The following ACO1 variants were observed in gnomAD, a reference collection of about 807,000 sequenced individuals.
ACO1 encodes the protein aconitase 1, also known as cytoplasmic aconitate hydratase.
In ACO1, 78 loss-of-function variants were observed where a neutral mutation model predicts 105.1. That is an observed-to-expected ratio of 0.74 (90% CI 0.62 to 0.90). The LOEUF (loss-of-function observed/expected upper bound fraction) is 0.90. ACO1 is among the 40% of genes least tolerant of loss of function. The probability of loss-of-function intolerance (pLI) is 0.00; values close to 1 mark genes in which losing one functional copy is unlikely to be tolerated. For synonymous variants in ACO1, 364 were observed against 397.4 expected, an observed-to-expected ratio of 0.92 and a Z score of 1.00; for missense variants, 965 against 1,111.1, an observed-to-expected ratio of 0.87 and a Z score of 1.87.
chr9:32,420,433 T>C (rs1228016726), intron 7 of ACO1, among the ~76,000 whole-genome samples: 1 of 152,258 alleles, frequency 6.6e-6, no homozygotes, highest in Non-Finnish European at 1.5e-5. Flanking sequence ...GGGCACACTT[T>C]GTCTTTCTTT....
intron 4 of ACO1, among the ~76,000 whole-genome samples, chr9:32,412,576 A>G (rs1821762628): frequency 6.6e-6 from 1 of 152,166 alleles, no homozygotes. Context: ...ATAAAGAGAA[A>G]TCTACTTTGT....
rs796804113 is a variant in ACO1, at chr9:32,454,321, T to C, written c.*4210T>C. ...CTCTTGAGAAACATTGAGCTATGGTTGGTCTGTTGTTTGAAATTCAAATAA... is the reference window on the plus strand; with the variant it reads ...CTCTTGAGAAACATTGAGCTATGGTCGGTCTGTTGTTTGAAATTCAAATAA... On this transcript the variant is annotated 3_prime_UTR_variant, in exon 21 of 21. Coordinates refer to ENST00000309951, the MANE Select transcript of ACO1 (RefSeq NM_002197.3). The C allele has an allele frequency of 1.4e-4, 21 of 152,328 alleles. No individual in the cohort carries two copies. Among genetic ancestry groups the C allele is most frequent in the African/African-American group, 5.1e-4 (21 of 41,556 alleles). The allele number at this position is 152,328 out of a possible 1,614,324, so 9.4% of individuals were successfully genotyped here. A position where few individuals can be genotyped will look rare whatever the true frequency, so the allele number is the denominator to read the frequency against.
At chr9:32,435,678 A>G (rs10758139) in intron 17 of ACO1, among the ~76,000 whole-genome samples, 49,388 of 152,102 alleles carry the variant, frequency 0.32, 8,271 homozygotes, top group East Asian at 0.51. Flanking sequence ...GGGACCAGAA[A>G]TAGCTGTTCT....
At chr9:32,436,462 T>C in intron 18 of ACO1, 65 bp downstream of exon 18, 1 of 1,583,960 alleles carries the variant, frequency 6.3e-7, no homozygotes, top group Non-Finnish European at 8.6e-7. Context: ...GGTTGGATAT[T>C]TACAGTTACT....
At chr9:32,426,471 A>G (rs1039830968) in intron 11 of ACO1, among the ~76,000 whole-genome samples, 2 of 152,176 alleles carry the variant, frequency 1.3e-5, no homozygotes, top group African/African-American at 4.8e-5. Flanking sequence ...TAATATTTAC[A>G]TATGTGGTTT....
chr9:32,399,966 G>GTTTTTTTTTTTTTTTTTTTTTTTTC (rs57615512), intron 1 of ACO1, among the ~76,000 whole-genome samples: 1 of 69,842 alleles, frequency 1.4e-5, no homozygotes, highest in Non-Finnish European at 2.5e-5. Flanking sequence ...TTCTTTTTCT[G>GTTTTTTTTTTTTTTTTTTTTTTTTC]TTTTTTTTTT....
In ACO1 at chr9:32,407,426, T is replaced by C; in HGVS notation, c.263T>C (p.Phe88Ser). ...CCTGCTCGTGTCATCCTGCAGGACTTTACGTGAGCCTAATGTCACTTCACT... is the reference window on the plus strand; with the variant it reads ...CCTGCTCGTGTCATCCTGCAGGACTCTACGTGAGCCTAATGTCACTTCACT... ...FKPARVILQD[F>S]TGVPAVVDFA... The change falls in exon 3 of 21, where the codon TTT (phenylalanine) becomes TCT (serine). Residue 88 changes from phenylalanine (F) to serine (S), a missense_variant. Transcript: ENST00000309951. 6.2e-7 allele frequency: 1 copy of C among 1,611,862 alleles called. No individual in the cohort carries two copies. Among genetic ancestry groups the C allele is most frequent in the South Asian group, 1.1e-5 (1 of 91,006 alleles).
chr9:32,430,318 G>T, intron 13 of ACO1, 100 bp from the exon 14 acceptor site: 1 of 1,254,882 alleles, frequency 8.0e-7, no homozygotes, highest in Non-Finnish European at 1.1e-6. Context: ...GCAGCTTAAA[G>T]GACTGTATCC....
intron 18 of ACO1, among the ~76,000 whole-genome samples, chr9:32,437,182 C>T (rs1042210386): frequency 4.6e-5 from 7 of 152,152 alleles, no homozygotes; most frequent in Non-Finnish European, 1.5e-5. Flanking sequence ...AAGCTCTTGG[C>T]ATATATTGAT....
chr9:32,398,882 A>C (rs1386363399), intron 1 of ACO1, among the ~76,000 whole-genome samples: 1 of 152,208 alleles, frequency 6.6e-6, no homozygotes, highest in Non-Finnish European at 1.5e-5. Context: ...GGCATGAGCC[A>C]CTGCATCAAC....
intron 1 of ACO1, among the ~76,000 whole-genome samples, chr9:32,391,143 T>G (rs1821260406): frequency 6.6e-6 from 1 of 152,222 alleles, no homozygotes; most frequent in Non-Finnish European, 1.5e-5. Context: ...CTTTCGTGTG[T>G]TACCTCATTT....
At chr9:32,428,351 A>G (rs1822147202) in intron 12 of ACO1, among the ~76,000 whole-genome samples, 1 of 151,626 alleles carries the variant, frequency 6.6e-6, no homozygotes, top group Non-Finnish European at 1.5e-5. Flanking sequence ...GATTGTCAGT[A>G]TTACTGTCTT....
intron 1 of ACO1, among the ~76,000 whole-genome samples, chr9:32,388,608 T>C (rs1237227397): frequency 2.6e-5 from 4 of 152,242 alleles, no homozygotes; most frequent in Admixed American, 2.0e-4. Flanking sequence ...TGTATGCATA[T>C]TTGTACATCT....
At position 32,405,569 on chromosome 9, in the gene ACO1, C is replaced by T; in HGVS notation, c.63C>T (p.Phe21=). ...PLDPVQPGKK[F]FNLNKLEDSR... ...ATCCTGTACAACCAGGAAAGAAATT[C>T]TTCAATTTGAATAAATTGGAGGATT... is the stretch of plus-strand genomic sequence containing the variant. The change falls in exon 2 of 21, where the codon TTC becomes TTT. Residue 21 remains phenylalanine, a synonymous_variant. Transcript: ENST00000309951. The T allele has an allele frequency of 6.2e-7, 1 of 1,613,776 alleles. No individual in the cohort carries two copies. The highest frequency in any genetic ancestry group is 1.1e-5 in the South Asian group (1 of 91,024).
chr9:32,448,908 G>C lies in ACO1; in HGVS notation c.2383G>C (p.Val795Leu), dbSNP rs375980125. The C allele has an allele frequency of 6.2e-7, 1 of 1,614,216 alleles. No individual in the cohort carries two copies. The highest frequency in any genetic ancestry group is 1.3e-5 in the African/African-American group (1 of 75,050). Residue 795 changes from valine (V) to leucine (L), a missense_variant, in exon 20 of 21, where the codon GTC becomes CTC. Coordinates refer to ENST00000309951, the MANE Select transcript of ACO1 (RefSeq NM_002197.3). Reference protein sequence around the residue: ...KGPFLLGIKAVLAESYERIHR... With the variant: ...KGPFLLGIKALLAESYERIHR... ...CTTTATTCATCAGGGAATCAAAGCC[G>C]TCCTGGCCGAGAGCTACGAGCGCAT...
intron 9 of ACO1, 59 bp from the exon 10 acceptor site, chr9:32,424,490 G>T (rs1322628470): frequency 8.9e-7 from 1 of 1,125,678 alleles, no homozygotes; most frequent in African/African-American, 1.6e-5. Context: ...ACATGCTTTG[G>T]GTTTCCTCTT....
intron 1 of ACO1, among the ~76,000 whole-genome samples, chr9:32,397,673 C>T (rs1821401273): frequency 1.3e-5 from 2 of 152,246 alleles, no homozygotes; most frequent in South Asian, 2.1e-4. Flanking sequence ...ATATAGCTAA[C>T]CTTTTTAATG....
At chr9:32,389,722 A>T (rs1453317329) in intron 1 of ACO1, among the ~76,000 whole-genome samples, 2 of 150,778 alleles carry the variant, frequency 1.3e-5, no homozygotes, top group Admixed American at 1.3e-4. Context: ...TCAGACATAC[A>T]AAGTGGGGAG....
intron 4 of ACO1, among the ~76,000 whole-genome samples, chr9:32,412,189 C>T (rs1186441779): frequency 1.3e-5 from 2 of 152,082 alleles, no homozygotes; most frequent in South Asian, 2.1e-4. Context: ...ATTAGGTAAC[C>T]TTTAGAGTTT....
Sources: gnomAD v4.1 joint callset for allele counts (sites outside exome capture counted in the v4.1 genomes callset) on GRCh38, gnomAD v4.1.1 for gene constraint, MANE v1.5 for transcripts, NCBI Gene and HGNC (gene_info 2026-07-23, HGNC 2026-07-21) for gene names.